CAMK1D: variants seen among roughly 807,000 people sequenced by gnomAD.
CAMK1D encodes calcium/calmodulin-dependent protein kinase type 1D.
Under a neutral mutation model 47.7 loss-of-function variants are expected in CAMK1D, and 9 were observed. The ratio of observed to expected loss-of-function variants is 0.19; its 90% CI spans 0.11 to 0.33. The LOEUF is 0.33. CAMK1D is among the 10% of genes least tolerant of loss of function. The pLI is 1.00. For missense variants in CAMK1D, 291 were observed against 488.7 expected, an observed-to-expected ratio of 0.60 and a Z score of 3.81; for synonymous variants, 184 against 184.9, an observed-to-expected ratio of 0.99 and a Z score of 0.04.
At chr10:12,778,355 T>A (rs1837356764) in intron 5 of CAMK1D, among the ~76,000 whole-genome samples, 1 of 152,166 alleles carries the variant, frequency 6.6e-6, no homozygotes, top group Non-Finnish European at 1.5e-5. Context: ...CCCTTTTACA[T>A]GTGGCGGCTG....
rs149830516 is a variant in CAMK1D at position 12,368,975 on chromosome 10, G to C, written c.92+19065G>C. On this transcript the variant is annotated intron_variant, in intron 1 of 10. Transcript: ENST00000619168. Reference sequence around the variant, plus strand: ...TGGGACTACAGGCATGCACCACCAAGCCTGGCTAATTTTTTGTATTTTATA... The same window carrying C: ...TGGGACTACAGGCATGCACCACCAACCCTGGCTAATTTTTTGTATTTTATA... 3.7e-3 allele frequency among the ~76,000 whole-genome samples: 556 copies of C among 152,114 alleles called. 7 individuals are homozygous for C. In the East Asian group the frequency reaches 0.037, roughly 10 times the overall value.
At chr10:12,605,745 G>T (rs1838439960) in intron 2 of CAMK1D, among the ~76,000 whole-genome samples, 1 of 152,226 alleles carries the variant, frequency 6.6e-6, no homozygotes, top group Admixed American at 6.5e-5. Flanking sequence ...CTCTGCCTCA[G>T]CCCTGGGCTG....
intron 1 of CAMK1D, among the ~76,000 whole-genome samples, chr10:12,460,715 AC>A (rs1564353435): frequency 6.6e-6 from 1 of 152,126 alleles, no homozygotes; most frequent in South Asian, 2.1e-4. Flanking sequence ...GGTGTGAGAC[AC>A]TGCGCCCAAC....
chr10:12,828,285 T>C (rs1833327677), intron 10 of CAMK1D, among the ~76,000 whole-genome samples: 1 of 152,204 alleles, frequency 6.6e-6, no homozygotes, highest in African/African-American at 2.4e-5. Context: ...GAATAAAGCA[T>C]TTTGAACCCA....
At chr10:12,678,887 C>T (rs1288155687) in intron 3 of CAMK1D, among the ~76,000 whole-genome samples, 2 of 152,018 alleles carry the variant, frequency 1.3e-5, no homozygotes, top group Non-Finnish European at 2.9e-5. Context: ...CTCAGACTCT[C>T]GAGTAGCTGA....
At chr10:12,714,285 A>G (rs1464321665) in intron 3 of CAMK1D, among the ~76,000 whole-genome samples, 1 of 152,220 alleles carries the variant, frequency 6.6e-6, no homozygotes, top group African/African-American at 2.4e-5. Context: ...CTACCTTCAT[A>G]CATGGCATAG....
chr10:12,535,669 C>G (rs956412403), intron 1 of CAMK1D, among the ~76,000 whole-genome samples: 2 of 152,172 alleles, frequency 1.3e-5, no homozygotes, highest in African/African-American at 4.8e-5. Flanking sequence ...TGAAAGATTA[C>G]TCAAATGTGG....
intron 1 of CAMK1D, among the ~76,000 whole-genome samples, chr10:12,442,005 G>A (rs1832796980): frequency 6.6e-6 from 1 of 152,054 alleles, no homozygotes; most frequent in African/African-American, 2.4e-5. Flanking sequence ...GCACAATAAT[G>A]TGGGGAAAAA....
intron 2 of CAMK1D, among the ~76,000 whole-genome samples, chr10:12,637,124 A>G (rs1839532509): frequency 6.6e-6 from 1 of 152,006 alleles, no homozygotes; most frequent in African/African-American, 2.4e-5. Context: ...GATGTGCACC[A>G]CCATGCCCGG....
intron 5 of CAMK1D, among the ~76,000 whole-genome samples, chr10:12,771,250 C>G (rs138960915): frequency 6.6e-6 from 1 of 152,152 alleles, no homozygotes; most frequent in Non-Finnish European, 1.5e-5. Flanking sequence ...TCTTGTCATG[C>G]GAAGTGCGGT....
At chr10:12,661,151 G>A (rs961002655) in intron 2 of CAMK1D, among the ~76,000 whole-genome samples, 5 of 152,086 alleles carry the variant, frequency 3.3e-5, no homozygotes, top group Admixed American at 3.3e-4. Flanking sequence ...GTTTACAACC[G>A]AGTATCTTGA....
At chr10:12,652,405 C>A (rs1839999552) in intron 2 of CAMK1D, among the ~76,000 whole-genome samples, 1 of 144,816 alleles carries the variant, frequency 6.9e-6, no homozygotes, top group Non-Finnish European at 1.5e-5. Flanking sequence ...CACGGTGAAA[C>A]CCCGTCACTA....
At chr10:12,577,343 C>A (rs893641208) in intron 2 of CAMK1D, among the ~76,000 whole-genome samples, 4 of 152,218 alleles carry the variant, frequency 2.6e-5, no homozygotes, top group African/African-American at 9.6e-5. Flanking sequence ...ACACCTGCCA[C>A]CTCCAGTTCT....
chr10:12,410,720 A>T lies in CAMK1D; in HGVS notation c.92+60810A>T, dbSNP rs943311053. On this transcript the variant is annotated intron_variant, in intron 1 of 10. Transcript: ENST00000619168. ...AGTTCTTTGTTAGCAGGAATGACAC[A>T]CGTTTAGCAGGAATGACACACGTTT... Among the ~76,000 whole-genome samples, 8 of 152,226 alleles carry T rather than the reference A, an allele frequency of 5.3e-5. No individual in the cohort carries two copies. In the East Asian group the frequency reaches 1.5e-3, roughly 29 times the overall value.
rs1554800264 is a variant in CAMK1D at position 12,630,388 on chromosome 10, TA to T, written c.225-36340del. Among the ~76,000 whole-genome samples the T allele has an allele frequency of 1.5e-4, 21 of 142,324 alleles. 2 individuals carry two copies. The highest frequency in any genetic ancestry group is 9.9e-4 in the Admixed American group (14 of 14,166). The allele number at this position is 142,324 out of a possible 152,430, so 93.4% of individuals were successfully genotyped here. A position where few individuals can be genotyped will look rare whatever the true frequency, so the allele number is the denominator to read the frequency against. On this transcript the variant is annotated intron_variant, in intron 2 of 10. Transcript: ENST00000619168. ...CTTTTTCTTTCTTTTTTTTTTTTTT[TA>T]AAAAAAAGACAGGATCTCACTCAGT... is the stretch of plus-strand genomic sequence containing the variant.
intron 3 of CAMK1D, among the ~76,000 whole-genome samples, chr10:12,730,579 G>C (rs1834842373): frequency 6.6e-6 from 1 of 152,180 alleles, no homozygotes; most frequent in Admixed American, 6.5e-5. Flanking sequence ...CACCAAGGTA[G>C]TGAGAGTAGA....
intron 1 of CAMK1D, among the ~76,000 whole-genome samples, chr10:12,379,117 C>T (rs1838271768): frequency 6.6e-6 from 1 of 152,106 alleles, no homozygotes; most frequent in African/African-American, 2.4e-5. Flanking sequence ...ACCAAGCATG[C>T]ATTTCTTTTA....
At chr10:12,650,597 C>T (rs902850236) in intron 2 of CAMK1D, among the ~76,000 whole-genome samples, 1 of 152,094 alleles carries the variant, frequency 6.6e-6, no homozygotes, top group Non-Finnish European at 1.5e-5. Flanking sequence ...TTCCAGGGTC[C>T]CTCATGTGCA....
intron 1 of CAMK1D, among the ~76,000 whole-genome samples, chr10:12,378,957 A>G (rs117106679): frequency 0.067 from 10,199 of 151,926 alleles, 446 homozygotes; most frequent in Non-Finnish European, 0.087. Flanking sequence ...CTACAGGCAC[A>G]TACCAGCATG....
Sources: gnomAD v4.1 joint callset for allele counts (sites outside exome capture counted in the v4.1 genomes callset) on GRCh38, gnomAD v4.1.1 for gene constraint, MANE v1.5 for transcripts, NCBI Gene and HGNC (gene_info 2026-07-23, HGNC 2026-07-21) for gene names.